RBFOX1: variants seen among roughly 807,000 people sequenced by gnomAD.
RBFOX1 encodes the protein RNA binding fox-1 homolog 1.
RBFOX1 carries 8 observed loss-of-function variants against 57.7 expected under a neutral mutation model. The observed-to-expected ratio is 0.14, with a 90% confidence interval of 0.08 to 0.25. The LOEUF is 0.25. Ranked by LOEUF, RBFOX1 falls within the 10% of genes least tolerant of loss-of-function variation. The pLI, the probability that RBFOX1 is intolerant of heterozygous loss-of-function variation, is 1.00. For missense variants in RBFOX1, 611 were observed against 548.5 expected, an observed-to-expected ratio of 1.11 and a Z score of -1.14; for synonymous variants, 326 against 222.4, an observed-to-expected ratio of 1.47 and a Z score of -4.15.
intron 3 of RBFOX1, among the ~76,000 whole-genome samples, chr16:7,017,276 A>T (rs1477635059): frequency 6.6e-6 from 1 of 152,202 alleles, no homozygotes; most frequent in African/African-American, 2.4e-5. Flanking sequence ...AGGCCCAAGT[A>T]TAGAATGATG....
At chr16:7,138,313 C>T (rs541334362) in intron 4 of RBFOX1, among the ~76,000 whole-genome samples, 1 of 152,274 alleles carries the variant, frequency 6.6e-6, no homozygotes, top group African/African-American at 2.4e-5. Flanking sequence ...AGCAACATGA[C>T]TCATTAAATA....
chr16:7,262,858 G>T (rs1237572893), intron 4 of RBFOX1, among the ~76,000 whole-genome samples: 1 of 152,242 alleles, frequency 6.6e-6, no homozygotes, highest in Non-Finnish European at 1.5e-5. Context: ...CAGGATCATA[G>T]ATAGGACAAG....
intron 4 of RBFOX1, among the ~76,000 whole-genome samples, chr16:7,213,765 G>C (rs1194169405): frequency 6.6e-6 from 1 of 152,146 alleles, no homozygotes; most frequent in Non-Finnish European, 1.5e-5. Flanking sequence ...ATAACGGATA[G>C]AGCCATAAAC....
At chr16:7,039,132 T>C (rs1484037782) in intron 3 of RBFOX1, among the ~76,000 whole-genome samples, 1 of 152,216 alleles carries the variant, frequency 6.6e-6, no homozygotes. Flanking sequence ...CTAAGTGTTT[T>C]GAGATTTTAG....
chr16:5,954,399 G>A (rs1421733919), intron 4 of RBFOX1, among the ~76,000 whole-genome samples: 1 of 151,992 alleles, frequency 6.6e-6, no homozygotes, highest in Admixed American at 6.6e-5. Flanking sequence ...ACCACCGCTG[G>A]ACACTGCTGA....
chr16:7,360,408 G>A (rs533274545), intron 4 of RBFOX1, among the ~76,000 whole-genome samples: 1 of 152,174 alleles, frequency 6.6e-6, no homozygotes, highest in Non-Finnish European at 1.5e-5. Flanking sequence ...CAGTGTGCCT[G>A]TATGTATGAT....
chr16:6,933,037 C>T (rs962932497), intron 3 of RBFOX1, among the ~76,000 whole-genome samples: 2 of 152,176 alleles, frequency 1.3e-5, no homozygotes, highest in African/African-American at 4.8e-5. Flanking sequence ...GCATAATATC[C>T]TTAAGGTTCA....
chr16:6,731,806 T>A (rs1291585339), intron 3 of RBFOX1, among the ~76,000 whole-genome samples: 1 of 152,156 alleles, frequency 6.6e-6, no homozygotes, highest in Non-Finnish European at 1.5e-5. Context: ...CACTGCTGTT[T>A]CCTACCTTCC....
At chr16:6,892,966 A>T (rs2065883718) in intron 3 of RBFOX1, among the ~76,000 whole-genome samples, 2 of 152,024 alleles carry the variant, frequency 1.3e-5, no homozygotes, top group African/African-American at 4.8e-5. Flanking sequence ...TTTTGCCTTG[A>T]TCTAGTTTTA....
intron 3 of RBFOX1, among the ~76,000 whole-genome samples, chr16:5,669,555 G>C (rs991775900): frequency 6.6e-6 from 1 of 151,874 alleles, no homozygotes; most frequent in Non-Finnish European, 1.5e-5. Context: ...AAGTAGCCGG[G>C]ATTGCAGGCA....
intron 3 of RBFOX1, among the ~76,000 whole-genome samples, chr16:6,970,891 C>T (rs992347922): frequency 6.6e-6 from 1 of 152,190 alleles, no homozygotes; most frequent in Non-Finnish European, 1.5e-5. Flanking sequence ...TGCAGTAAGG[C>T]TCAAAGACCT....
At chr16:6,331,768 T>TC (rs1243337981) in intron 2 of RBFOX1, among the ~76,000 whole-genome samples, 1 of 107,876 alleles carries the variant, frequency 9.3e-6, no homozygotes, top group East Asian at 2.3e-4. Context: ...TTTCACCTTT[T>TC]TTTAAAAAAA....
At chr16:5,550,821 C>A (rs934654521) in intron 2 of RBFOX1, among the ~76,000 whole-genome samples, 9 of 152,172 alleles carry the variant, frequency 5.9e-5, no homozygotes, top group Admixed American at 4.6e-4. Context: ...AGAATTGTCA[C>A]CTTTATTTTT....
chr16:5,493,585 C>T (rs1362537107), intron 2 of RBFOX1, among the ~76,000 whole-genome samples: 1 of 152,194 alleles, frequency 6.6e-6, no homozygotes, highest in Non-Finnish European at 1.5e-5. Context: ...AGAATATTTT[C>T]CATACACACC....
chr16:7,456,849 A>G (rs2058614040), intron 4 of RBFOX1, among the ~76,000 whole-genome samples: 1 of 152,074 alleles, frequency 6.6e-6, no homozygotes, highest in Non-Finnish European at 1.5e-5. Context: ...AGCTTGGAGG[A>G]AAGGGCATAT....
At chr16:6,236,880 A>T (rs1019394060) in intron 1 of RBFOX1, among the ~76,000 whole-genome samples, 10 of 152,198 alleles carry the variant, frequency 6.6e-5, no homozygotes, top group Admixed American at 2.0e-4. Flanking sequence ...ATAGAGGCTC[A>T]GAGTATTCAA....
In RBFOX1 at chr16:5,590,074, C is replaced by CAA. The variant is rs573866730; in HGVS notation, c.259-8827_259-8826insAA. Among the ~76,000 whole-genome samples, 3 of 97,626 alleles carry CAA rather than the reference C, an allele frequency of 3.1e-5. No individual in the cohort carries two copies. The South Asian group carries it at 1.2e-3, about 37-fold the overall frequency. 64.0% of individuals were successfully genotyped at this position (97,626 alleles called of 152,430 possible). A position where few individuals can be genotyped will look rare whatever the true frequency, so the allele number is the denominator to read the frequency against. On this transcript the variant is annotated intron_variant, in intron 2 of 2. Coordinates refer to the RBFOX1 transcript ENST00000585867. ...ACACACACACACACACACACACACACACAAAAAGGGCAGCAGGTGTTATTT... is the reference window on the plus strand; with the variant it reads ...ACACACACACACACACACACACACACAAACAAAAAGGGCAGCAGGTGTTATTT...
intron 2 of RBFOX1, among the ~76,000 whole-genome samples, chr16:5,587,948 A>G (rs1197439127): frequency 6.6e-6 from 1 of 152,140 alleles, no homozygotes; most frequent in Non-Finnish European, 1.5e-5. Flanking sequence ...CCAAAAGGTG[A>G]CAGTTACCTA....
At chr16:7,607,194 T>C (rs927858911) in intron 9 of RBFOX1, 91 bp from the exon 10 acceptor site, 3 of 1,171,832 alleles carry the variant, frequency 2.6e-6, no homozygotes, top group African/African-American at 3.1e-5. Context: ...CAAAATGAGA[T>C]ACTTTAACCC....
Sources: gnomAD v4.1 joint callset for allele counts (sites outside exome capture counted in the v4.1 genomes callset) on GRCh38, gnomAD v4.1.1 for gene constraint, MANE v1.5 for transcripts, NCBI Gene and HGNC (gene_info 2026-07-23, HGNC 2026-07-21) for gene names.